RAPGEF1: variants seen among roughly 807,000 people sequenced by gnomAD.
RAPGEF1 encodes Rap guanine nucleotide exchange factor 1, also known as CRK SH3-binding GNRP.
RAPGEF1 carries 33 observed loss-of-function variants against 143.3 expected under a neutral mutation model. The ratio of observed to expected loss-of-function variants is 0.23; its 90% CI spans 0.17 to 0.31. RAPGEF1 has a LOEUF of 0.31. Among genes scored for constraint, RAPGEF1 ranks in the 10% least tolerant of loss-of-function variants. The pLI, the probability that RAPGEF1 is intolerant of heterozygous loss-of-function variation, is 1.00. For synonymous variants in RAPGEF1, 629 were observed against 676.5 expected, an observed-to-expected ratio of 0.93 and a Z score of 1.09; for missense variants, 1,199 against 1,645.4, an observed-to-expected ratio of 0.73 and a Z score of 4.69.
chr9:131,650,072 C>G lies in RAPGEF1; in HGVS notation c.315+57G>C. The G allele has an allele frequency of 7.1e-7, 1 of 1,405,592 alleles. No homozygotes were observed. The highest frequency in any genetic ancestry group is 9.9e-7 in the Non-Finnish European group (1 of 1,007,916). The allele number at this position is 1,405,592 out of a possible 1,614,324, so 87.1% of individuals were successfully genotyped here. A position where few individuals can be genotyped will look rare whatever the true frequency, so the allele number is the denominator to read the frequency against. ...TTTTTTCCATCCCCAAAACCATGGA[C>G]CAGGATTCTGCAGTAGAAGGCAAGG... On this transcript the variant is annotated intron_variant, in intron 3 of 26. Coordinates refer to ENST00000683357, the MANE Select transcript of RAPGEF1 (RefSeq NM_001377935.1). The surrounding 1 kb of genome is among the most constrained non-coding windows in gnomAD (Gnocchi z 4.7).
chr9:131,609,356 G>A (rs1957643580), intron 12 of RAPGEF1, among the ~76,000 whole-genome samples: 1 of 152,218 alleles, frequency 6.6e-6, no homozygotes, highest in Non-Finnish European at 1.5e-5. Flanking sequence ...CTGGCAAGAG[G>A]TGGCGTGGGT....
intron 1 of RAPGEF1, among the ~76,000 whole-genome samples, chr9:131,704,700 T>G (rs1834917626): frequency 6.7e-6 from 1 of 149,966 alleles, no homozygotes; most frequent in African/African-American, 2.5e-5. Flanking sequence ...AGAGCCAAAA[T>G]GAACACTGTA....
At chr9:131,638,389 C>A (rs929646718) in intron 5 of RAPGEF1, among the ~76,000 whole-genome samples, 2 of 152,332 alleles carry the variant, frequency 1.3e-5, no homozygotes, top group Admixed American at 6.5e-5. Context: ...CACGATGCTA[C>A]GAAGACTCAC....
intron 1 of RAPGEF1, among the ~76,000 whole-genome samples, chr9:131,703,137 C>T (rs1235427525): frequency 6.6e-6 from 1 of 152,152 alleles, no homozygotes; most frequent in African/African-American, 2.4e-5. Context: ...CATGCCACTG[C>T]ATGCGTGCCA....
At chr9:131,624,105 C>T (rs913081432) in intron 10 of RAPGEF1, among the ~76,000 whole-genome samples, 3 of 152,134 alleles carry the variant, frequency 2.0e-5, no homozygotes, top group Non-Finnish European at 4.4e-5. Context: ...TCTTCCTCCT[C>T]GGCTTGGGAG....
rs187877670 is a variant in RAPGEF1 at position 131,595,296 on chromosome 9, G to A, written c.2689+1002C>T. ...AAGGGGAGGGCGGAGCAGTGGCTGC[G>A]GTGAGTTTGTGGGAGCCATCTCTTC... On this transcript the variant is annotated intron_variant, in intron 17 of 26. Transcript: ENST00000683357. 2.2e-4 allele frequency among the ~76,000 whole-genome samples: 33 copies of A among 152,340 alleles called. No homozygotes were observed. In the East Asian group the frequency reaches 6.0e-3, roughly 28 times the overall value.
intron 1 of RAPGEF1, among the ~76,000 whole-genome samples, chr9:131,662,259 G>A (rs926419860): frequency 2.6e-5 from 4 of 151,962 alleles, no homozygotes; most frequent in Admixed American, 6.6e-5. Flanking sequence ...TTAAAGACCC[G>A]AGTCCTTAAG....
At chr9:131,734,739 ACT>A (rs1418986032) in intron 1 of RAPGEF1, among the ~76,000 whole-genome samples, 1 of 152,170 alleles carries the variant, frequency 6.6e-6, no homozygotes, top group Non-Finnish European at 1.5e-5. Flanking sequence ...TAGGGCCTGT[ACT>A]CTTAGTATCT....
intron 1 of RAPGEF1, among the ~76,000 whole-genome samples, chr9:131,726,909 T>C (rs928510934): frequency 1.3e-5 from 2 of 151,994 alleles, no homozygotes; most frequent in African/African-American, 4.8e-5. Flanking sequence ...GAGGCTGAAA[T>C]TGAAAGACTC....
chr9:131,708,800 C>T (rs953669204), intron 1 of RAPGEF1, among the ~76,000 whole-genome samples: 2 of 151,860 alleles, frequency 1.3e-5, no homozygotes, highest in Admixed American at 6.6e-5. Flanking sequence ...GGCGCAATCT[C>T]GGCTACTGTA....
rs1259168702 is a variant in RAPGEF1 at position 131,621,717 on chromosome 9, G to A, written c.1905+79C>T. The A allele has an allele frequency of 7.1e-7, 1 of 1,417,920 alleles. No individual in the cohort carries two copies. The allele number at this position is 1,417,920 out of a possible 1,614,324, so 87.8% of individuals were successfully genotyped here. On this transcript the variant is annotated intron_variant, in intron 11 of 26. Coordinates refer to ENST00000683357, the MANE Select transcript of RAPGEF1 (RefSeq NM_001377935.1). This position sits in a 1 kb window ranked among gnomAD's most constrained non-coding sequence, Gnocchi z 4.5. ...CACAGCAGGGAGGAGGGTTAACCCT[G>A]CCCCCAAGGAGGGTCATTCTGGTTC...
chr9:131,691,191 A>T (rs1312962266), intron 1 of RAPGEF1, among the ~76,000 whole-genome samples: 1 of 152,212 alleles, frequency 6.6e-6, no homozygotes, highest in Non-Finnish European at 1.5e-5. Flanking sequence ...AACAACTATT[A>T]TTTCCACAAT....
At chr9:131,732,410 C>T (rs1041800569) in intron 1 of RAPGEF1, among the ~76,000 whole-genome samples, 3 of 152,158 alleles carry the variant, frequency 2.0e-5, no homozygotes, top group African/African-American at 7.2e-5. Context: ...GCAGTCACTA[C>T]AAGTGGAAGC....
At chr9:131,598,384 C>T in intron 15 of RAPGEF1, 74 bp from the exon 16 acceptor site, 1 of 1,305,902 alleles carries the variant, frequency 7.7e-7, no homozygotes, top group Non-Finnish European at 1.1e-6. Flanking sequence ...CAAGGCAGTG[C>T]CGGTGTGCAC....
intron 5 of RAPGEF1, among the ~76,000 whole-genome samples, chr9:131,636,527 A>G (rs1300914011): frequency 6.6e-6 from 1 of 152,202 alleles, no homozygotes; most frequent in African/African-American, 2.4e-5. Context: ...CATAGAGGAA[A>G]TGTACTTGGG....
In RAPGEF1 at chr9:131,643,369, G is replaced by A. The variant is rs770350389; in HGVS notation, c.364C>T (p.Arg122Cys). The A allele has an allele frequency of 1.2e-6, 2 of 1,613,784 alleles. No homozygotes were observed. The highest frequency in any genetic ancestry group is 1.7e-5 in the Admixed American group (1 of 59,990). ...EKEKEVVSAL[R>C]YFKTIVDKMA... ...TTGTCCACAATGGTCTTAAAGTAGCGCAGGGCACTGACAACTTCCTTCTCT... is the reference window on the plus strand; with the variant it reads ...TTGTCCACAATGGTCTTAAAGTAGCACAGGGCACTGACAACTTCCTTCTCT... The change falls in exon 4 of 27, where the codon CGC becomes TGC. Residue 122 changes from arginine to cysteine, a missense_variant. Coordinates refer to ENST00000683357, the MANE Select transcript of RAPGEF1 (RefSeq NM_001377935.1).
intron 16 of RAPGEF1, among the ~76,000 whole-genome samples, chr9:131,596,910 G>T (rs1588294828): frequency 6.6e-6 from 1 of 152,128 alleles, no homozygotes; most frequent in East Asian, 1.9e-4. Context: ...TCTTCTGTGG[G>T]GCCCTTCCTT....
chr9:131,726,843 A>AG (rs1375619747), intron 1 of RAPGEF1, among the ~76,000 whole-genome samples: 1 of 152,024 alleles, frequency 6.6e-6, no homozygotes, highest in East Asian at 1.9e-4. Flanking sequence ...CTACAAAAAA[A>AG]ATTTTTTTAA....
chr9:131,586,665 CACA>C (rs1588191258), intron 22 of RAPGEF1, among the ~76,000 whole-genome samples: 4 of 134,580 alleles, frequency 3.0e-5, no homozygotes, highest in East Asian at 2.1e-4. Flanking sequence ...CACACACACA[CACA>C]CCCCTGCAGA....
Sources: allele counts gnomAD v4.1 joint callset (sites outside exome capture counted in the v4.1 genomes callset), GRCh38; gene constraint gnomAD v4.1.1; non-coding constraint Gnocchi (gnomAD v3.1); transcripts MANE v1.5; gene names NCBI Gene and HGNC (gene_info 2026-07-23, HGNC 2026-07-21).